The following ABCB11 variants were observed in gnomAD, a reference collection of about 807,000 sequenced individuals.
The protein encoded by ABCB11 is bile salt export pump.
In ABCB11, 95 loss-of-function variants were observed where a neutral mutation model predicts 148.0. The observed-to-expected ratio is 0.64, with a 90% CI of 0.54 to 0.76. The LOEUF is 0.76. Ranked by LOEUF, ABCB11 falls within the 30% of genes least tolerant of loss-of-function variation. The pLI, the probability that ABCB11 is intolerant of heterozygous loss-of-function variation, is 0.00. For synonymous variants in ABCB11, 591 were observed against 555.4 expected, an observed-to-expected ratio of 1.06 and a Z score of -0.90; for missense variants, 1,523 against 1,617.8, an observed-to-expected ratio of 0.94 and a Z score of 1.01.
intron 5 of ABCB11, among the ~76,000 whole-genome samples, chr2:169,001,218 A>T (rs77046537): frequency 0.012 from 1,856 of 152,316 alleles, 25 homozygotes; most frequent in Non-Finnish European, 0.019. Flanking sequence ...ACCATAAAAC[A>T]TAATTCAGAA....
chr2:168,994,529 G>T (rs555050058), intron 7 of ABCB11, among the ~76,000 whole-genome samples: 1 of 151,950 alleles, frequency 6.6e-6, no homozygotes, highest in East Asian at 1.9e-4. Context: ...ACCCCAATGG[G>T]TAATAATGAG....
At chr2:168,973,688 A>G (rs1470598397) in intron 13 of ABCB11, 27 bp downstream of exon 13, 2 of 1,609,784 alleles carry the variant, frequency 1.2e-6, no homozygotes, top group African/African-American at 1.3e-5. Flanking sequence ...GTCCCCATGT[A>G]TTGAGGAGTT....
intron 19 of ABCB11, among the ~76,000 whole-genome samples, chr2:168,949,093 T>G (rs1410497949): frequency 6.6e-6 from 1 of 151,668 alleles, no homozygotes; most frequent in Non-Finnish European, 1.5e-5. Flanking sequence ...CTTGTACAAG[T>G]TGACAGTTCT....
intron 27 of ABCB11, 56 bp from the exon 28 acceptor site, chr2:168,923,878 C>A (rs756564586): frequency 6.4e-7 from 1 of 1,553,268 alleles, no homozygotes; most frequent in Non-Finnish European, 8.9e-7. Flanking sequence ...CCCCAGCCCA[C>A]CATCATGAGA....
intron 5 of ABCB11, among the ~76,000 whole-genome samples, chr2:169,009,788 T>C (rs1478695553): frequency 1.4e-5 from 2 of 148,036 alleles, no homozygotes; most frequent in Non-Finnish European, 1.5e-5. Context: ...AATGCACAAC[T>C]CTGTAAATAT....
intron 14 of ABCB11, 133 bp downstream of exon 14, chr2:168,971,714 A>C: frequency 2.6e-6 from 2 of 770,824 alleles, no homozygotes. Flanking sequence ...GTACTTTTTC[A>C]GGCATGAAAC....
chr2:168,993,329 G>T (rs1256650803), intron 8 of ABCB11, among the ~76,000 whole-genome samples: 1 of 151,970 alleles, frequency 6.6e-6, no homozygotes, highest in Non-Finnish European at 1.5e-5. Context: ...ATCCTACTCT[G>T]CCAGCTGTGC....
At chr2:168,968,130 A>ATTTTT (rs4000815) in intron 17 of ABCB11, among the ~76,000 whole-genome samples, 24 of 101,334 alleles carry the variant, frequency 2.4e-4, no homozygotes, top group African/African-American at 7.3e-4. Flanking sequence ...CTAAACACAG[A>ATTTTT]TTTTTTTTAA....
At chr2:169,014,232 A>T in intron 4 of ABCB11, 71 bp downstream of exon 4, 72 of 1,106,882 alleles carry the variant, frequency 6.5e-5, no homozygotes, top group Non-Finnish European at 9.6e-5. Flanking sequence ...CTAAAGATTT[A>T]ACACTCCCCT....
chr2:168,985,976 C>A, intron 10 of ABCB11, 134 bp downstream of exon 10: 2 of 780,724 alleles, frequency 2.6e-6, no homozygotes, highest in South Asian at 3.7e-5. Flanking sequence ...TACTTGTTTC[C>A]ACAGACAGAC....
At chr2:168,929,380 G>A (rs1005764185) in intron 25 of ABCB11, among the ~76,000 whole-genome samples, 2 of 151,842 alleles carry the variant, frequency 1.3e-5, no homozygotes, top group Non-Finnish European at 2.9e-5. Context: ...GAACACAAAG[G>A]TTTTCATGAA....
intron 1 of ABCB11, among the ~76,000 whole-genome samples, chr2:169,030,429 T>C (rs562844878): frequency 6.6e-6 from 1 of 152,194 alleles, no homozygotes; most frequent in Non-Finnish European, 1.5e-5. Context: ...AGCTCATAAA[T>C]AAGTTATCAC....
intron 26 of ABCB11, among the ~76,000 whole-genome samples, chr2:168,925,215 C>T (rs968859558): frequency 7.2e-5 from 11 of 152,170 alleles, no homozygotes. Context: ...TGGTCCATTG[C>T]TGTATTAGGG....
intron 8 of ABCB11, among the ~76,000 whole-genome samples, chr2:168,993,331 C>T (rs3770597): frequency 0.035 from 5,392 of 152,036 alleles, 134 homozygotes; most frequent in East Asian, 0.061. Context: ...CCTACTCTGC[C>T]AGCTGTGCAG....
rs1179506788 is a variant in ABCB11, at chr2:168,935,445, C to T, written c.2815-20G>A. 2 of 1,601,612 alleles carry T rather than the reference C, an allele frequency of 1.2e-6. No individual in the cohort carries two copies. The highest frequency in any genetic ancestry group is 1.7e-5 in the Admixed American group (1 of 58,818). The stretch of plus-strand genomic sequence containing the variant: ...TGTAATCTGAAGATTGAAAAAGAGT[C>T]TTAGGAATACAAGGGCAGAAATAAC... On this transcript the variant is annotated intron_variant, in intron 22 of 27. Coordinates refer to ENST00000650372, the MANE Select transcript of ABCB11 (RefSeq NM_003742.4).
chr2:168,991,248 T>G lies in ABCB11; in HGVS notation c.784-323A>C, dbSNP rs2287613. 0.076 allele frequency among the ~76,000 whole-genome samples: 11,526 copies of G among 152,172 alleles called. 505 individuals carry two copies. Among genetic ancestry groups the G allele is most frequent in the African/African-American group, 0.11 (4,659 of 41,526 alleles). ...AGTGTTAAGTTAGACCATGTCATAG[T>G]TCATTGCTATTAGCCAATGGCCATT... On this transcript the variant is annotated intron_variant, in intron 8 of 27. Transcript: ENST00000650372.
At chr2:169,001,292 G>A (rs1694863362) in intron 5 of ABCB11, among the ~76,000 whole-genome samples, 1 of 152,162 alleles carries the variant, frequency 6.6e-6, no homozygotes, top group South Asian at 2.1e-4. Context: ...CTCCCTTCCT[G>A]ATGTCTAGGA....
At chr2:168,977,843 TG>T (rs1366908414) in intron 11 of ABCB11, among the ~76,000 whole-genome samples, 1 of 151,978 alleles carries the variant, frequency 6.6e-6, no homozygotes, top group African/African-American at 2.4e-5. Context: ...AAGAACAGCA[TG>T]GGGGAAAATG....
At position 168,986,304 on chromosome 2, in the gene ABCB11, G is replaced by C; in HGVS notation, c.909-20C>G. 2 of 1,606,462 alleles carry C rather than the reference G, an allele frequency of 1.2e-6. No homozygotes were observed. The highest frequency in any genetic ancestry group is 1.7e-6 in the Non-Finnish European group (2 of 1,175,464). The stretch of plus-strand genomic sequence containing the variant: ...TCATACCTGTGAAGACAAAATGCTT[G>C]AGTCAATTTCGGCAGAAACAGCTCA... On this transcript the variant is annotated intron_variant, in intron 9 of 27. Transcript: ENST00000650372.
Sources: allele counts gnomAD v4.1 joint callset (sites outside exome capture counted in the v4.1 genomes callset), GRCh38; gene constraint gnomAD v4.1.1; transcripts MANE v1.5; gene names NCBI Gene and HGNC (gene_info 2026-07-23, HGNC 2026-07-21).